The following SPIDR variants were observed in gnomAD, a reference collection of about 807,000 sequenced individuals.
SPIDR encodes DNA repair-scaffolding protein.
SPIDR carries 93 observed loss-of-function variants against 104.6 expected under a neutral mutation model. The ratio of observed to expected loss-of-function variants is 0.89; its 90% CI spans 0.75 to 1.06. SPIDR has a LOEUF of 1.06. Among genes scored for constraint, SPIDR ranks in the 50% least tolerant of loss-of-function variants. The pLI is 0.00. For missense variants in SPIDR, 1,154 were observed against 1,111.2 expected, an observed-to-expected ratio of 1.04 and a Z score of -0.55; for synonymous variants, 431 against 416.9, an observed-to-expected ratio of 1.03 and a Z score of -0.41.
At chr8:47,421,682 C>G (rs1447532673) in intron 7 of SPIDR, among the ~76,000 whole-genome samples, 1 of 152,204 alleles carries the variant, frequency 6.6e-6, no homozygotes, top group Admixed American at 6.5e-5. Context: ...GGAGGAGAGG[C>G]TCTCTGCTTT....
At position 47,331,909 on chromosome 8, in the gene SPIDR, G is replaced by A. The variant is rs147188978; in HGVS notation, c.525+37879G>A. 4.0e-3 allele frequency among the ~76,000 whole-genome samples: 551 copies of A among 137,960 alleles called. 22 individuals carry two copies. The East Asian group carries it at 0.049, about 12-fold the overall frequency. 90.5% of individuals were successfully genotyped at this position (137,960 alleles called of 152,430 possible). On this transcript the variant is annotated intron_variant, in intron 5 of 19. Coordinates refer to ENST00000297423, the MANE Select transcript of SPIDR (RefSeq NM_001080394.4). ...GTTGTCCAGGCTGGAGTGCAGTGGCGTGATCTCAGCTTATATATTCTGTCA... is the reference window on the plus strand; with the variant it reads ...GTTGTCCAGGCTGGAGTGCAGTGGCATGATCTCAGCTTATATATTCTGTCA...
intron 8 of SPIDR, among the ~76,000 whole-genome samples, chr8:47,490,881 G>T (rs2078586194): frequency 6.6e-6 from 1 of 152,136 alleles, no homozygotes; most frequent in South Asian, 2.1e-4. Context: ...AGCATTATGA[G>T]ATATACCTAA....
In SPIDR at chr8:47,310,934, A is replaced by G. The variant is rs781900392; in HGVS notation, c.525+16904A>G. ...AGTGTCCAGAATACAATCCATATTC[A>G]GTAGACACACACATACACAAACAGA... is the stretch of plus-strand genomic sequence containing the variant. On this transcript the variant is annotated intron_variant, in intron 5 of 19. Transcript: ENST00000297423. 3.3e-5 allele frequency among the ~76,000 whole-genome samples: 5 copies of G among 152,238 alleles called. 1 individual carries two copies. In the South Asian group the frequency reaches 1.0e-3, roughly 31 times the overall value.
chr8:47,432,672 C>G (rs782094958), intron 7 of SPIDR, among the ~76,000 whole-genome samples: 5 of 152,246 alleles, frequency 3.3e-5, no homozygotes, highest in Middle Eastern at 3.4e-3. Context: ...ACCAGGGAGA[C>G]AGTGATGGAA....
chr8:47,292,493 A>G (rs990809437), intron 4 of SPIDR, among the ~76,000 whole-genome samples: 1 of 152,176 alleles, frequency 6.6e-6, no homozygotes, highest in Non-Finnish European at 1.5e-5. Flanking sequence ...GGTAAATAGT[A>G]TGGTTTGTGC....
intron 2 of SPIDR, among the ~76,000 whole-genome samples, chr8:47,282,845 GCTT>G (rs1159572709): frequency 6.6e-6 from 1 of 151,730 alleles, no homozygotes; most frequent in African/African-American, 2.4e-5. Context: ...ATCATTTCCA[GCTT>G]CTTTTTTCTT....
At chr8:47,701,599 C>A in intron 12 of SPIDR, 122 bp from the exon 13 acceptor site, 1 of 928,504 alleles carries the variant, frequency 1.1e-6, no homozygotes, top group Non-Finnish European at 1.6e-6. Flanking sequence ...GTATAGCATT[C>A]CAGAGAGAGG....
chr8:47,281,049 C>T (rs1178835788), intron 2 of SPIDR, among the ~76,000 whole-genome samples: 1 of 152,202 alleles, frequency 6.6e-6, no homozygotes, highest in Non-Finnish European at 1.5e-5. Context: ...AAAGTGATCA[C>T]ATGAATTCTT....
intron 5 of SPIDR, among the ~76,000 whole-genome samples, chr8:47,379,212 GTGGGCTGTCA>G (rs782659398): frequency 3.2e-4 from 49 of 152,312 alleles, no homozygotes; most frequent in Non-Finnish European, 5.7e-4. Context: ...AGGAATGCCT[GTGGGCTGTCA>G]TGAGATTATT....
chr8:47,337,264 A>G (rs868990853), intron 5 of SPIDR, among the ~76,000 whole-genome samples: 1 of 152,154 alleles, frequency 6.6e-6, no homozygotes, highest in African/African-American at 2.4e-5. Flanking sequence ...AGTAACTGGG[A>G]CTACAGAGGG....
intron 11 of SPIDR, among the ~76,000 whole-genome samples, chr8:47,698,757 T>C (rs1327859237): frequency 6.6e-6 from 1 of 152,212 alleles, no homozygotes; most frequent in East Asian, 1.9e-4. Flanking sequence ...TGGTTATAAA[T>C]GGGAGAAGCT....
At chr8:47,538,507 G>A (rs1265047487) in intron 8 of SPIDR, among the ~76,000 whole-genome samples, 2 of 152,126 alleles carry the variant, frequency 1.3e-5, no homozygotes, top group Non-Finnish European at 2.9e-5. Flanking sequence ...TCATGCCACT[G>A]CACCCCAACC....
intron 1 of SPIDR, among the ~76,000 whole-genome samples, chr8:47,273,777 A>G (rs930544536): frequency 6.6e-6 from 1 of 152,210 alleles, no homozygotes; most frequent in Middle Eastern, 3.4e-3. Flanking sequence ...TATTTTTTGT[A>G]GAAATGAGGT....
chr8:47,716,688 C>T (rs1003522907), intron 16 of SPIDR, among the ~76,000 whole-genome samples: 1 of 152,062 alleles, frequency 6.6e-6, no homozygotes, highest in Non-Finnish European at 1.5e-5. Context: ...CTGAGGGCTG[C>T]AGCCACTGAC....
chr8:47,489,021 G>T (rs1442959175), intron 8 of SPIDR, among the ~76,000 whole-genome samples: 4 of 152,116 alleles, frequency 2.6e-5, no homozygotes, highest in Non-Finnish European at 4.4e-5. Flanking sequence ...GCAGGAGAAA[G>T]AAATAAAGGG....
chr8:47,410,928 C>A (rs964371056), intron 7 of SPIDR, among the ~76,000 whole-genome samples: 17 of 152,100 alleles, frequency 1.1e-4, no homozygotes, highest in Non-Finnish European at 2.1e-4. Context: ...TTTGTCCTTG[C>A]GATAGTTTGC....
At chr8:47,678,888 C>T (rs2076763099) in intron 11 of SPIDR, among the ~76,000 whole-genome samples, 2 of 152,166 alleles carry the variant, frequency 1.3e-5, no homozygotes, top group African/African-American at 2.4e-5. Flanking sequence ...AGAAGCCAAG[C>T]TCAGTCAACA....
chr8:47,629,989 G>T (rs1406730329), intron 10 of SPIDR, among the ~76,000 whole-genome samples: 5 of 152,112 alleles, frequency 3.3e-5, no homozygotes, highest in African/African-American at 1.2e-4. Flanking sequence ...TATATATTTT[G>T]AACTATATGC....
rs192109661 is a variant in SPIDR at position 47,449,541 on chromosome 8, A to G, written c.1097+8999A>G. ...TAAATAAATTGCTGGCTCCTATTGA[A>G]GAGACCAAAGCAGTACTAACGATGA... On this transcript the variant is annotated intron_variant, in intron 8 of 19. Coordinates refer to ENST00000297423, the MANE Select transcript of SPIDR (RefSeq NM_001080394.4). 3.0e-3 allele frequency among the ~76,000 whole-genome samples: 458 copies of G among 152,346 alleles called. 1 individual carries two copies. Among genetic ancestry groups the G allele is most frequent in the African/African-American group, 0.011 (447 of 41,572 alleles).
Sources: gnomAD v4.1 joint callset for allele counts (sites outside exome capture counted in the v4.1 genomes callset) on GRCh38, gnomAD v4.1.1 for gene constraint, MANE v1.5 for transcripts, NCBI Gene and HGNC (gene_info 2026-07-23, HGNC 2026-07-21) for gene names.